The following GPR39 variants were observed in gnomAD, a reference collection of about 807,000 sequenced individuals.
GPR39 encodes the protein zinc sensing receptor.
A neutral mutation model predicts 18.4 loss-of-function variants in GPR39; 23 were observed. That is an observed-to-expected ratio of 1.25 (90% CI 0.90 to 1.77). GPR39 has a LOEUF of 1.77. Among genes scored for constraint, GPR39 ranks in the 40% most tolerant of loss-of-function variants. GPR39 has a pLI of 0.00. For missense variants in GPR39, 647 were observed against 602.4 expected (o/e 1.07, Z -0.78); for synonymous variants, 280 against 257.9 (o/e 1.09, Z -0.82).
At chr2:132,619,869 ACT>A (rs1681407015) in intron 1 of GPR39, among the ~76,000 whole-genome samples, 1 of 147,654 alleles carries the variant, frequency 6.8e-6, no homozygotes, top group East Asian at 2.0e-4. Context: ...ACACACACAC[ACT>A]CTCCACACCC....
chr2:132,480,172 C>G (rs1266777671), intron 1 of GPR39, among the ~76,000 whole-genome samples: 1 of 152,084 alleles, frequency 6.6e-6, no homozygotes, highest in Non-Finnish European at 1.5e-5. Context: ...AAGATAAATA[C>G]TATATGATTT....
chr2:132,551,736 A>C (rs2104795327), intron 1 of GPR39, among the ~76,000 whole-genome samples: 1 of 152,352 alleles, frequency 6.6e-6, no homozygotes, highest in South Asian at 2.1e-4. Context: ...TCAACTTCTG[A>C]AATGTAGATC....
chr2:132,495,267 T>A (rs908282741), intron 1 of GPR39, among the ~76,000 whole-genome samples: 2 of 152,168 alleles, frequency 1.3e-5, no homozygotes, highest in Non-Finnish European at 2.9e-5. Flanking sequence ...AAGTGAACCT[T>A]ACATTTGTCA....
intron 1 of GPR39, among the ~76,000 whole-genome samples, chr2:132,459,019 G>T (rs1680786525): frequency 6.6e-6 from 1 of 152,102 alleles, no homozygotes; most frequent in South Asian, 2.1e-4. Context: ...CATTTCCATT[G>T]TTGAAAGTAA....
chr2:132,439,242 C>G (rs543842357), intron 1 of GPR39, among the ~76,000 whole-genome samples: 1 of 152,268 alleles, frequency 6.6e-6, no homozygotes, highest in Non-Finnish European at 1.5e-5. Context: ...CAAGAGAAAA[C>G]CAAAGGTGAG....
At chr2:132,641,792 G>A (rs1681860900) in intron 1 of GPR39, among the ~76,000 whole-genome samples, 1 of 152,148 alleles carries the variant, frequency 6.6e-6, no homozygotes, top group Non-Finnish European at 1.5e-5. Flanking sequence ...CCAGTGAACA[G>A]CACTGTGCTA....
intron 1 of GPR39, among the ~76,000 whole-genome samples, chr2:132,485,970 G>A (rs1333120717): frequency 3.3e-5 from 5 of 152,140 alleles, no homozygotes; most frequent in African/African-American, 9.7e-5. Context: ...ATAGACTTAT[G>A]AGAAGTATTT....
chr2:132,592,591 C>G (rs1333192451), intron 1 of GPR39, among the ~76,000 whole-genome samples: 1 of 152,178 alleles, frequency 6.6e-6, no homozygotes, highest in Non-Finnish European at 1.5e-5. Flanking sequence ...ATGATCTGAT[C>G]TGACTGAGCC....
At chr2:132,571,493 C>T (rs1412681572) in intron 1 of GPR39, among the ~76,000 whole-genome samples, 2 of 152,160 alleles carry the variant, frequency 1.3e-5, no homozygotes, top group Non-Finnish European at 2.9e-5. Context: ...AAGATCTTTA[C>T]ATGAGAAAGA....
intron 1 of GPR39, among the ~76,000 whole-genome samples, chr2:132,603,316 T>TA (rs539960814): frequency 7.5e-4 from 114 of 152,006 alleles, no homozygotes; most frequent in African/African-American, 2.5e-3. Context: ...ATGTGGGAGA[T>TA]AAAAAAAATT....
At chr2:132,555,207 C>T (rs1454786065) in intron 1 of GPR39, among the ~76,000 whole-genome samples, 1 of 145,082 alleles carries the variant, frequency 6.9e-6, no homozygotes, top group Admixed American at 7.0e-5. Flanking sequence ...GCCTAAGCTT[C>T]CCAAAGTGCT....
chr2:132,641,787 G>A (rs1681860819), intron 1 of GPR39, among the ~76,000 whole-genome samples: 1 of 152,128 alleles, frequency 6.6e-6, no homozygotes, highest in African/African-American at 2.4e-5. Context: ...TATTTCCAGT[G>A]AACAGCACTG....
chr2:132,493,455 C>CCA (rs1007330118), intron 1 of GPR39, among the ~76,000 whole-genome samples: 29 of 144,118 alleles, frequency 2.0e-4, no homozygotes, highest in African/African-American at 7.2e-4. Flanking sequence ...TATATACACA[C>CCA]CATATATATA....
At chr2:132,619,437 C>T (rs1211912875) in intron 1 of GPR39, among the ~76,000 whole-genome samples, 1 of 152,156 alleles carries the variant, frequency 6.6e-6, no homozygotes, top group African/African-American at 2.4e-5. Context: ...CCTTCAGGGG[C>T]AGAACCTTGT....
At position 132,645,544 on chromosome 2, in the gene GPR39, A is replaced by G. The variant is rs1682018784; in HGVS notation, c.1300A>G (p.Asn434Asp). ...ATTGAGTCTCGAGTCACTAGAGCCC[A>G]ACTCAGGCGCGAAACCAGCCAATTC... ...QSLSLESLEPNSGAKPANSAA... is the reference protein window; with the variant it reads ...QSLSLESLEPDSGAKPANSAA... The change falls in exon 2 of 2, where the codon AAC becomes GAC. Residue 434 changes from asparagine (N) to aspartate (D), a missense_variant. Coordinates refer to ENST00000329321, the MANE Select transcript of GPR39 (RefSeq NM_001508.3). 6.2e-7 allele frequency: 1 copy of G among 1,614,032 alleles called. No homozygotes were observed. Among genetic ancestry groups the G allele is most frequent in the Non-Finnish European group, 8.5e-7 (1 of 1,180,024 alleles).
intron 1 of GPR39, among the ~76,000 whole-genome samples, chr2:132,551,535 A>G (rs1680044168): frequency 6.6e-6 from 1 of 152,218 alleles, no homozygotes; most frequent in Non-Finnish European, 1.5e-5. Context: ...TTGGAGTACA[A>G]GCTTGATGCA....
At chr2:132,601,911 C>T (rs1681049705) in intron 1 of GPR39, among the ~76,000 whole-genome samples, 1 of 151,412 alleles carries the variant, frequency 6.6e-6, no homozygotes, top group African/African-American at 2.4e-5. Context: ...AACTTGAAGA[C>T]AAAAAAATTG....
intron 1 of GPR39, among the ~76,000 whole-genome samples, chr2:132,644,622 C>CACTTCTTCCATTTGATTTAAAAATATCA (rs1553462119): frequency 1.3e-5 from 2 of 152,230 alleles, no homozygotes; most frequent in Non-Finnish European, 2.9e-5. Context: ...GCCAAAGGGA[C>CACTTCTTCCATTTGATTTAAAAATATCA]ACTTCTTCCA....
At chr2:132,503,070 A>T (rs1679075485) in intron 1 of GPR39, among the ~76,000 whole-genome samples, 1 of 152,188 alleles carries the variant, frequency 6.6e-6, no homozygotes, top group Admixed American at 6.5e-5. Context: ...TTCTTCTGGC[A>T]AATCAGAGAT....
Sources: gnomAD v4.1 joint callset for allele counts (sites outside exome capture counted in the v4.1 genomes callset) on GRCh38, gnomAD v4.1.1 for gene constraint, MANE v1.5 for transcripts, NCBI Gene and HGNC (gene_info 2026-07-23, HGNC 2026-07-21) for gene names.